Variants in COL4A2 observed in about 807,000 individuals in gnomAD.
The protein encoded by COL4A2 is collagen type IV alpha 2 chain.
Under a neutral mutation model 200.2 loss-of-function variants are expected in COL4A2, and 99 were observed. That is an observed-to-expected ratio of 0.49 (90% CI 0.42 to 0.58). The LOEUF is 0.58. Ranked by LOEUF, COL4A2 falls within the 20% of genes least tolerant of loss-of-function variation. The pLI, the probability that COL4A2 is intolerant of heterozygous loss-of-function variation, is 0.00. For synonymous variants in COL4A2, 897 were observed against 900.6 expected, an observed-to-expected ratio of 1.00 and a Z score of 0.07; for missense variants, 1,950 against 2,314.1, an observed-to-expected ratio of 0.84 and a Z score of 3.23.
intron 4 of COL4A2, among the ~76,000 whole-genome samples, chr13:110,412,942 G>A (rs970978749): frequency 2.6e-5 from 4 of 152,202 alleles, no homozygotes; most frequent in African/African-American, 9.7e-5. Flanking sequence ...GATAATGCAG[G>A]TGATAAAACC....
chr13:110,345,232 C>T (rs1163923673), intron 3 of COL4A2, among the ~76,000 whole-genome samples: 4 of 152,160 alleles, frequency 2.6e-5, no homozygotes, highest in East Asian at 1.9e-4. Context: ...TGTGTACAAA[C>T]GCAAGTTCTT....
intron 20 of COL4A2, among the ~76,000 whole-genome samples, chr13:110,453,291 C>G (rs1242246098): frequency 6.6e-6 from 1 of 151,992 alleles, no homozygotes; most frequent in African/African-American, 2.4e-5. Context: ...CACCTGAGGT[C>G]GGGAGTTCGA....
chr13:110,374,983 T>C (rs1594177109), intron 4 of COL4A2, among the ~76,000 whole-genome samples: 1 of 152,328 alleles, frequency 6.6e-6, no homozygotes. Flanking sequence ...GAAATTCTTA[T>C]AGCTCCTGGT....
At chr13:110,384,476 T>C (rs1878606144) in intron 4 of COL4A2, among the ~76,000 whole-genome samples, 1 of 152,234 alleles carries the variant, frequency 6.6e-6, no homozygotes, top group African/African-American at 2.4e-5. Flanking sequence ...AGATGGACTC[T>C]TGCGGGCCAT....
chr13:110,426,426 A>G (rs1447974885), intron 6 of COL4A2, among the ~76,000 whole-genome samples: 1 of 152,236 alleles, frequency 6.6e-6, no homozygotes, highest in Admixed American at 6.5e-5. Context: ...CTGCTGCTCA[A>G]AGGATCCAGT....
chr13:110,330,680 G>T (rs1752513629), intron 3 of COL4A2, among the ~76,000 whole-genome samples: 1 of 152,140 alleles, frequency 6.6e-6, no homozygotes, highest in African/African-American at 2.4e-5. Flanking sequence ...TGGGGTCCCC[G>T]CGGCCTGCGG....
intron 3 of COL4A2, among the ~76,000 whole-genome samples, chr13:110,342,036 A>G (rs1876477604): frequency 6.6e-6 from 1 of 152,234 alleles, no homozygotes; most frequent in South Asian, 2.1e-4. Flanking sequence ...AGTGACGAAC[A>G]GAGAATGGGG....
chr13:110,310,423 T>C (rs1884943978), intron 3 of COL4A2, among the ~76,000 whole-genome samples: 1 of 152,020 alleles, frequency 6.6e-6, no homozygotes, highest in South Asian at 2.1e-4. Context: ...TGAGATTACT[T>C]GCCAATTCAC....
chr13:110,327,100 A>G (rs7318137), intron 3 of COL4A2, among the ~76,000 whole-genome samples: 4 of 151,938 alleles, frequency 2.6e-5, no homozygotes, highest in Non-Finnish European at 5.9e-5. Flanking sequence ...AACCTGGGCT[A>G]GCCTGTCCCC....
intron 3 of COL4A2, among the ~76,000 whole-genome samples, chr13:110,347,462 C>T (rs912535069): frequency 6.6e-6 from 1 of 152,226 alleles, no homozygotes; most frequent in Middle Eastern, 3.2e-3. Flanking sequence ...TGAACTCTTG[C>T]CCTTTGCTAC....
At chr13:110,484,762 T>G in intron 32 of COL4A2, 143 bp from the exon 33 acceptor site, 5 of 1,229,918 alleles carry the variant, frequency 4.1e-6, no homozygotes, top group Non-Finnish European at 4.3e-6. Flanking sequence ...AGGAGAGGCT[T>G]CTCCGGCGCC....
At position 110,458,865 on chromosome 13, in the gene COL4A2, G is replaced by A. The variant is rs750504301; in HGVS notation, c.1527G>A (p.Gly509=). 1 of 1,612,898 alleles carries A rather than the reference G, an allele frequency of 6.2e-7. No homozygotes were observed. The highest frequency in any genetic ancestry group is 2.2e-5 in the East Asian group (1 of 44,800). ...PGPKGFAGIN[G]EPGRKGDRGD... is the part of the protein sequence containing the mutation. The stretch of plus-strand genomic sequence containing the variant: ...CCAAGGGCTTCGCAGGCATCAACGG[G>A]GAGCCGGGGAGGAAAGGGGACAGAG... The change falls in exon 22 of 48, where the codon GGG becomes GGA. Residue 509 remains glycine (G), a synonymous_variant. Coordinates refer to ENST00000360467, the MANE Select transcript of COL4A2 (RefSeq NM_001846.4).
chr13:110,405,208 C>T (rs1003011330), intron 4 of COL4A2, among the ~76,000 whole-genome samples: 3 of 152,296 alleles, frequency 2.0e-5, no homozygotes, highest in South Asian at 2.1e-4. Flanking sequence ...TACAGAGAAA[C>T]GTTTTAGAAA....
chr13:110,503,786 T>C, intron 43 of COL4A2, 61 bp from the exon 44 acceptor site: 17 of 1,597,290 alleles, frequency 1.1e-5, no homozygotes, highest in Non-Finnish European at 1.5e-5. Context: ...GCAGTAGCAC[T>C]CGGAGCAAGA....
chr13:110,504,318 C>A, intron 45 of COL4A2, 54 bp downstream of exon 45: 1 of 1,442,922 alleles, frequency 6.9e-7, no homozygotes, highest in Non-Finnish European at 9.7e-7. Flanking sequence ...GGATCTGACT[C>A]ACAGACTGTG....
At chr13:110,465,372 A>G (rs763483811) in intron 24 of COL4A2, 33 bp from the exon 25 acceptor site, 14 of 1,567,852 alleles carry the variant, frequency 8.9e-6, no homozygotes, top group South Asian at 7.1e-5. Context: ...ACATTAGTAT[A>G]TATTTTAAGA....
chr13:110,312,110 T>C (rs1216542452), intron 3 of COL4A2, among the ~76,000 whole-genome samples: 2 of 152,200 alleles, frequency 1.3e-5, no homozygotes, highest in African/African-American at 4.8e-5. Flanking sequence ...GCTCAAAACA[T>C]GGCCCTCTGA....
intron 34 of COL4A2, among the ~76,000 whole-genome samples, chr13:110,488,346 G>A (rs545481898): frequency 7.2e-5 from 11 of 152,150 alleles, no homozygotes; most frequent in Non-Finnish European, 1.6e-4. Flanking sequence ...ATACTGCAGC[G>A]ACTCATGTTA....
chr13:110,349,824 C>T (rs889066754), intron 3 of COL4A2, among the ~76,000 whole-genome samples: 11 of 151,864 alleles, frequency 7.2e-5, no homozygotes, highest in African/African-American at 2.7e-4. Flanking sequence ...AGTGCAGTAG[C>T]ACAGTCGTGG....
Sources: gnomAD v4.1 joint callset for allele counts (sites outside exome capture counted in the v4.1 genomes callset) on GRCh38, gnomAD v4.1.1 for gene constraint, MANE v1.5 for transcripts, NCBI Gene and HGNC (gene_info 2026-07-23, HGNC 2026-07-21) for gene names.